The following ZC3H12B variants were observed in gnomAD, a reference collection of about 807,000 sequenced individuals.
ZC3H12B encodes the protein zinc finger CCCH-type containing 12B, also known as probable ribonuclease ZC3H12B.
A neutral mutation model predicts 43.9 loss-of-function variants in ZC3H12B; 7 were observed. The ratio of observed to expected loss-of-function variants is 0.16; its 90% CI spans 0.09 to 0.30. ZC3H12B has a LOEUF of 0.30. Among genes scored for constraint, ZC3H12B ranks in the 10% least tolerant of loss-of-function variants. The pLI, the probability that ZC3H12B is intolerant of heterozygous loss-of-function variation, is 1.00. For synonymous variants in ZC3H12B, 222 were observed against 241.7 expected (o/e 0.92, Z 0.76); for missense variants, 475 against 670.2 (o/e 0.71, Z 3.22).
At chrX:65,298,731 A>G in the ZC3H12B span, among the ~76,000 whole-genome samples, 7 of 112,087 alleles carry the variant, frequency 6.2e-5, no homozygotes, top group Non-Finnish European at 1.1e-4. Flanking sequence ...CAGTTTTCAT[A>G]CTGCTATAAA....
the ZC3H12B span, among the ~76,000 whole-genome samples, chrX:65,060,798 C>T: frequency 2.7e-5 from 3 of 111,898 alleles, no homozygotes; most frequent in Admixed American, 1.9e-4. Context: ...TGGAAGTCTT[C>T]GTTTCTCCTC....
intron 2 of ZC3H12B, among the ~76,000 whole-genome samples, chrX:65,389,435 C>A (rs947569427): frequency 8.9e-6 from 1 of 112,622 alleles, no homozygotes; most frequent in African/African-American, 3.2e-5. Flanking sequence ...CTCTCCAAGC[C>A]AGGCACGGGA....
At chrX:65,311,952 C>T in the ZC3H12B span, among the ~76,000 whole-genome samples, 1 of 111,065 alleles carries the variant, frequency 9.0e-6, no homozygotes, top group African/African-American at 3.3e-5. Context: ...AATGAGAACA[C>T]TTGGACACAG....
At chrX:65,460,178 A>G (rs1249175218) in intron 3 of ZC3H12B, among the ~76,000 whole-genome samples, 2 of 111,812 alleles carry the variant, frequency 1.8e-5, no homozygotes. Context: ...TTCAAGGAGA[A>G]CTATAAATCA....
the ZC3H12B span, among the ~76,000 whole-genome samples, chrX:65,058,754 C>T: frequency 1.8e-5 from 2 of 112,061 alleles, no homozygotes; most frequent in African/African-American, 3.2e-5. Flanking sequence ...ACATTGCTTA[C>T]CTACTCAAGC....
chrX:65,078,373 G>A, the ZC3H12B span, among the ~76,000 whole-genome samples: 1 of 112,156 alleles, frequency 8.9e-6, no homozygotes, highest in Non-Finnish European at 1.9e-5. Flanking sequence ...ACCAGCTCTG[G>A]CACATTCCAA....
the ZC3H12B span, among the ~76,000 whole-genome samples, chrX:65,161,769 G>T: frequency 1.8e-5 from 2 of 111,677 alleles, no homozygotes; most frequent in African/African-American, 3.3e-5. Context: ...TACATTTAAG[G>T]TTAATATTGT....
chrX:65,329,046 T>C, the ZC3H12B span, among the ~76,000 whole-genome samples: 1 of 111,030 alleles, frequency 9.0e-6, no homozygotes, highest in East Asian at 2.8e-4. Context: ...TGATTTATAA[T>C]CCTTTGAGTA....
intron 3 of ZC3H12B, among the ~76,000 whole-genome samples, chrX:65,471,241 C>T (rs2067908051): frequency 9.1e-6 from 1 of 110,461 alleles, no homozygotes; most frequent in Non-Finnish European, 1.9e-5. Flanking sequence ...TGGATTGATG[C>T]TTTTATCATT....
chrX:65,456,506 C>T (rs1354791004), intron 3 of ZC3H12B, among the ~76,000 whole-genome samples: 1 of 101,857 alleles, frequency 9.8e-6, no homozygotes, highest in Non-Finnish European at 2.0e-5. Context: ...CTGGACGGTA[C>T]TGCTGCCATC....
chrX:65,111,346 T>G, the ZC3H12B span, among the ~76,000 whole-genome samples: 1 of 111,148 alleles, frequency 9.0e-6, no homozygotes, highest in East Asian at 2.8e-4. Flanking sequence ...CAATCAAGTA[T>G]AATGCTAGCT....
At chrX:65,065,678 A>G in the ZC3H12B span, among the ~76,000 whole-genome samples, 1 of 110,958 alleles carries the variant, frequency 9.0e-6, no homozygotes, top group Non-Finnish European at 1.9e-5. Context: ...CCTGAACTGA[A>G]TGTTCGCCTG....
At chrX:65,204,207 C>A in the ZC3H12B span, among the ~76,000 whole-genome samples, 2 of 112,019 alleles carry the variant, frequency 1.8e-5, no homozygotes, top group Non-Finnish European at 3.8e-5. Context: ...TGCATTTATT[C>A]ATCTGATTTT....
the ZC3H12B span, among the ~76,000 whole-genome samples, chrX:65,302,184 A>G: frequency 9.0e-6 from 1 of 111,562 alleles, no homozygotes; most frequent in Non-Finnish European, 1.9e-5. Context: ...ATGCAACATG[A>G]CATGAAAAGA....
chrX:65,157,759 CCTTTT>C, the ZC3H12B span, among the ~76,000 whole-genome samples: 1 of 88,240 alleles, frequency 1.1e-5, no homozygotes, highest in Non-Finnish European at 1.9e-5. Context: ...TCTACCTTTC[CCTTTT>C]CTTTTTTTTA....
chrX:65,212,622 A>T, the ZC3H12B span, among the ~76,000 whole-genome samples: 2 of 83,092 alleles, frequency 2.4e-5, no homozygotes, highest in Admixed American at 1.7e-4. Context: ...ATGATATATA[A>T]TATATATAAA....
chrX:65,255,462 A>G, the ZC3H12B span, among the ~76,000 whole-genome samples: 1 of 112,299 alleles, frequency 8.9e-6, no homozygotes, highest in African/African-American at 3.2e-5. Context: ...TGCAGAAGAA[A>G]TAAGGTTCTT....
chrX:65,156,381 TTTG>T, the ZC3H12B span, among the ~76,000 whole-genome samples: 29 of 111,192 alleles, frequency 2.6e-4, no homozygotes, highest in Admixed American at 4.8e-4. Context: ...TTTTAAACTT[TTTG>T]TTGTTGTTGT....
chrX:65,181,592 G>T, the ZC3H12B span, among the ~76,000 whole-genome samples: 1 of 111,549 alleles, frequency 9.0e-6, no homozygotes, highest in African/African-American at 3.3e-5. Context: ...GTGGGCAAAG[G>T]ATATGAACAG....
Sources: allele counts gnomAD v4.1 joint callset (sites outside exome capture counted in the v4.1 genomes callset), GRCh38; gene constraint gnomAD v4.1.1; transcripts MANE v1.5; gene names NCBI Gene and HGNC (gene_info 2026-07-23, HGNC 2026-07-21).